The following MED13L variants were observed in gnomAD, a reference collection of about 807,000 sequenced individuals.
MED13L encodes the protein mediator complex subunit 13L, also known as mediator of RNA polymerase II transcription subunit 13-like.
MED13L carries 7 observed loss-of-function variants against 220.9 expected under a neutral mutation model. That is an observed-to-expected ratio of 0.03 (90% confidence interval 0.02 to 0.06). The LOEUF is 0.06. Ranked by LOEUF, MED13L falls within the 10% of genes least tolerant of loss-of-function variation. The pLI is 1.00. For missense variants in MED13L, 1,965 were observed against 2,760.5 expected, an observed-to-expected ratio of 0.71 and a Z score of 6.46; for synonymous variants, 1,011 against 1,015.2, an observed-to-expected ratio of 1.00 and a Z score of 0.08.
In MED13L at chr12:116,003,144, T is replaced by C. The variant is rs748656639; in HGVS notation, c.2470-42A>G. 5.8e-6 allele frequency: 9 copies of C among 1,539,784 alleles called. No homozygotes were observed. In the South Asian group the frequency reaches 8.9e-5, roughly 15 times the overall value. On this transcript the variant is annotated intron_variant, in intron 13 of 30. Transcript: ENST00000281928. Reference sequence around the variant, plus strand: ...TTATTAAAACAGAGTGACGTGTATATAAGTAGGGCAGCATTCAAATATTTC... The same window carrying C: ...TTATTAAAACAGAGTGACGTGTATACAAGTAGGGCAGCATTCAAATATTTC...
At chr12:116,101,928 T>C (rs1873094373) in intron 3 of MED13L, among the ~76,000 whole-genome samples, 1 of 152,210 alleles carries the variant, frequency 6.6e-6, no homozygotes, top group Non-Finnish European at 1.5e-5. Flanking sequence ...CCAGTCATTA[T>C]TATTGAGATT....
intron 2 of MED13L, among the ~76,000 whole-genome samples, chr12:116,194,481 A>C (rs1290368424): frequency 1.3e-5 from 2 of 152,112 alleles, no homozygotes; most frequent in Admixed American, 6.5e-5. Flanking sequence ...ACTTCTTTTT[A>C]AGTACAGGGT....
intron 1 of MED13L, among the ~76,000 whole-genome samples, chr12:116,262,341 T>C (rs1338086164): frequency 6.6e-6 from 1 of 152,204 alleles, no homozygotes; most frequent in East Asian, 1.9e-4. Flanking sequence ...TTATTTCTAT[T>C]TTCAATTCCA....
intron 4 of MED13L, among the ~76,000 whole-genome samples, chr12:116,093,988 A>G (rs1377039818): frequency 6.6e-6 from 1 of 152,168 alleles, no homozygotes; most frequent in Non-Finnish European, 1.5e-5. Flanking sequence ...ACTCAATAAT[A>G]ATAAAAATTC....
At chr12:116,130,281 T>C (rs961536541) in intron 2 of MED13L, among the ~76,000 whole-genome samples, 5 of 152,196 alleles carry the variant, frequency 3.3e-5, no homozygotes, top group Non-Finnish European at 5.9e-5. Flanking sequence ...ATGACTATTT[T>C]AAAAATAAAA....
chr12:115,972,279 A>G (rs368588153), intron 25 of MED13L, 43 bp from the exon 26 acceptor site: 14 of 1,604,870 alleles, frequency 8.7e-6, no homozygotes, highest in Non-Finnish European at 1.1e-5. Context: ...TTAGAAATTC[A>G]TACTGATGGG....
At chr12:115,976,923 G>A (rs1314360392) in intron 23 of MED13L, among the ~76,000 whole-genome samples, 3 of 152,194 alleles carry the variant, frequency 2.0e-5, no homozygotes, top group Non-Finnish European at 2.9e-5. Context: ...CACTTTGGGA[G>A]GCTGAAGTGG....
chr12:116,133,205 AGTTT>A (rs1252209023), intron 2 of MED13L, among the ~76,000 whole-genome samples: 2 of 152,272 alleles, frequency 1.3e-5, no homozygotes, highest in Non-Finnish European at 2.9e-5. Flanking sequence ...ATCTCACCAG[AGTTT>A]GTTTTCTTTT....
Position 116,039,388 on chromosome 12 carries a change from G to A in MED13L, c.480-16787C>T, listed in dbSNP as rs551128580. Among the ~76,000 whole-genome samples the A allele has an allele frequency of 5.6e-4, 86 of 152,252 alleles. 4 individuals are homozygous for A. In the South Asian group the frequency reaches 0.017, roughly 30 times the overall value. The stretch of plus-strand genomic sequence containing the variant: ...AAAGAGAAATAAAATTGGAGCTAAC[G>A]CTTATTTGGTAGAATGCTATTATCA... On this transcript the variant is annotated intron_variant, in intron 4 of 30. Transcript: ENST00000281928.
intron 2 of MED13L, among the ~76,000 whole-genome samples, chr12:116,185,749 T>G (rs1161563219): frequency 6.6e-6 from 1 of 151,954 alleles, no homozygotes; most frequent in Non-Finnish European, 1.5e-5. Context: ...CAGGCTGGAG[T>G]GCAGTGGCGC....
rs1201515238 is a variant in MED13L, at chr12:116,022,456, C to T, written c.625G>A (p.Val209Ile). 1.2e-6 allele frequency: 2 copies of T among 1,613,558 alleles called. No individual in the cohort carries two copies. The highest frequency in any genetic ancestry group is 1.7e-6 in the Non-Finnish European group (2 of 1,179,740). Reference sequence around the variant, plus strand: ...GGAGAGCAGGAACACCCATACTTACCTTGAAATGGTGCAGGTGAAGACTGA... The same window carrying T: ...GGAGAGCAGGAACACCCATACTTACTTTGAAATGGTGCAGGTGAAGACTGA... ...MAQSSPAPFQ[V>I]LVSPYGLNGT... Residue 209 changes from valine (V) to isoleucine (I), a missense_variant and splice_region_variant, in exon 5 of 31, where the codon GTA (valine) becomes ATA (isoleucine). Coordinates refer to ENST00000281928, the MANE Select transcript of MED13L (RefSeq NM_015335.5).
At chr12:116,148,174 CA>C (rs2138078231) in intron 2 of MED13L, among the ~76,000 whole-genome samples, 1 of 150,414 alleles carries the variant, frequency 6.6e-6, no homozygotes, top group African/African-American at 2.4e-5. Flanking sequence ...TAAACATACA[CA>C]TATATACAGA....
chr12:116,170,604 T>G lies in MED13L; in HGVS notation c.311-59092A>C, dbSNP rs372605077. On this transcript the variant is annotated intron_variant, in intron 2 of 30. Coordinates refer to ENST00000281928, the MANE Select transcript of MED13L (RefSeq NM_015335.5). ...CACAAGTAATCATTTTTACTTTTTT[T>G]TTTGTTTTTTTTTTTTTTTTAAGAG... is the stretch of plus-strand genomic sequence containing the variant. 3.9e-4 allele frequency among the ~76,000 whole-genome samples: 58 copies of G among 148,710 alleles called. No homozygotes were observed. In the East Asian group the frequency reaches 9.4e-3, roughly 24 times the overall value.
intron 2 of MED13L, among the ~76,000 whole-genome samples, chr12:116,212,333 T>TA (rs1882747966): frequency 6.6e-6 from 1 of 152,210 alleles, no homozygotes; most frequent in African/African-American, 2.4e-5. Context: ...ATAATTAAGT[T>TA]AATTTTCATA....
intron 11 of MED13L, chr12:116,006,690 G>C (rs1879067401): frequency 4.0e-6 from 2 of 499,680 alleles, no homozygotes; most frequent in Admixed American, 3.4e-5. Flanking sequence ...TTACAGACCT[G>C]CCATGGTGTT....
chr12:116,006,094 T>C, intron 12 of MED13L, 101 bp from the exon 13 acceptor site: 1 of 1,513,402 alleles, frequency 6.6e-7, no homozygotes, highest in Non-Finnish European at 9.1e-7. Flanking sequence ...TGCCTGTGAG[T>C]TTTTCCCTAT....
Position 116,015,919 on chromosome 12 carries a change from T to C in MED13L, c.1010-645A>G, listed in dbSNP as rs142682930. Among the ~76,000 whole-genome samples the C allele has an allele frequency of 2.0e-3, 298 of 152,322 alleles. 1 individual carries two copies. The highest frequency in any genetic ancestry group is 3.2e-3 in the Non-Finnish European group (216 of 68,016). ...CATTTTATTTCAGAGGATTAAAAAT[T>C]CACTGGTTTCTCTCTAGTAACTCCA... On this transcript the variant is annotated intron_variant, in intron 7 of 30. Transcript: ENST00000281928.
At chr12:116,211,425 A>AC (rs1401399410) in intron 2 of MED13L, among the ~76,000 whole-genome samples, 1 of 152,188 alleles carries the variant, frequency 6.6e-6, no homozygotes, top group Non-Finnish European at 1.5e-5. Flanking sequence ...TGCTGACCAA[A>AC]AAAAAAATGC....
intron 4 of MED13L, among the ~76,000 whole-genome samples, chr12:116,087,800 T>C (rs527390765): frequency 6.6e-6 from 1 of 152,176 alleles, no homozygotes; most frequent in South Asian, 2.1e-4. Context: ...TAAAAGTGCA[T>C]CAGGAAAAGG....
Sources: allele counts gnomAD v4.1 joint callset (sites outside exome capture counted in the v4.1 genomes callset), GRCh38; gene constraint gnomAD v4.1.1; transcripts MANE v1.5; gene names NCBI Gene and HGNC (gene_info 2026-07-23, HGNC 2026-07-21).